REXO5: variants seen among roughly 807,000 people sequenced by gnomAD.
REXO5 encodes RNA exonuclease 5, also known as exonuclease NEF-sp.
In REXO5, 48 loss-of-function variants were observed where a neutral mutation model predicts 88.5. That is an observed-to-expected ratio of 0.54 (90% CI 0.43 to 0.69). The LOEUF is 0.69. Among genes scored for constraint, REXO5 ranks in the 30% least tolerant of loss-of-function variants. The probability of loss-of-function intolerance (pLI) is 0.00; values close to 1 mark genes in which losing one functional copy is unlikely to be tolerated. For missense variants in REXO5, 749 were observed against 912.2 expected, an observed-to-expected ratio of 0.82 and a Z score of 2.30; for synonymous variants, 311 against 336.5, an observed-to-expected ratio of 0.92 and a Z score of 0.83.
At chr16:20,842,621 G>T (rs992846374) in intron 15 of REXO5, among the ~76,000 whole-genome samples, 3 of 151,646 alleles carry the variant, frequency 2.0e-5, no homozygotes, top group African/African-American at 7.3e-5. Context: ...AGGCATGCAC[G>T]CCTGGCTAAT....
intron 2 of REXO5, among the ~76,000 whole-genome samples, chr16:20,809,677 T>C (rs1319778506): frequency 6.6e-6 from 1 of 152,272 alleles, no homozygotes; most frequent in Non-Finnish European, 1.5e-5. Context: ...CCTTGATAAC[T>C]AGATTAAGAT....
At chr16:20,815,609 G>A (rs528577577) in intron 4 of REXO5, among the ~76,000 whole-genome samples, 3 of 152,050 alleles carry the variant, frequency 2.0e-5, no homozygotes, top group African/African-American at 7.2e-5. Context: ...CGGACCACCT[G>A]CTACACGTAT....
intron 7 of REXO5, 66 bp downstream of exon 7, chr16:20,824,593 T>A: frequency 1.1e-6 from 1 of 940,326 alleles, no homozygotes; most frequent in Non-Finnish European, 1.7e-6. Flanking sequence ...AAATGATTTC[T>A]TGAGTCTAAT....
rs766669894 is a variant in REXO5, at chr16:20,824,463, T to C, written c.641T>C (p.Leu214Ser). ...GGTTTTCCTGATTGTGAAAACTTTT[T>C]ACTTACCAAATGTAATGGTTCTATA... ...LQGFPDCENF[L>S]LTKCNGSIAD... The change falls in exon 7 of 20, where the codon TTA becomes TCA. Residue 214 changes from leucine to serine, a missense_variant. By Grantham distance (145) the Leu-to-Ser change is moderately radical (BLOSUM62 -2). Coordinates refer to ENST00000261377, the MANE Select transcript of REXO5 (RefSeq NM_030941.3). 17 of 1,610,514 alleles carry C rather than the reference T, an allele frequency of 1.1e-5. No individual in the cohort carries two copies. The highest frequency in any genetic ancestry group is 1.4e-5 in the Non-Finnish European group (17 of 1,177,362).
chr16:20,846,473 C>T, intron 19 of REXO5, 134 bp downstream of exon 19: 1 of 625,132 alleles, frequency 1.6e-6, no homozygotes, highest in Non-Finnish European at 2.8e-6. Context: ...TTTCACCGTT[C>T]TAAAAGATAG....
intron 15 of REXO5, 55 bp from the exon 16 acceptor site, chr16:20,843,879 T>G: frequency 7.7e-7 from 1 of 1,293,916 alleles, no homozygotes; most frequent in South Asian, 1.2e-5. Flanking sequence ...CCCAACCCCT[T>G]CTTTAGCAGT....
chr16:20,835,785 C>T (rs573798773), intron 13 of REXO5, among the ~76,000 whole-genome samples: 19 of 152,090 alleles, frequency 1.2e-4, no homozygotes, highest in South Asian at 4.1e-4. Flanking sequence ...CAGTAGTTTA[C>T]ACCTGTAATC....
chr16:20,817,353 T>C (rs1023048230), intron 5 of REXO5, among the ~76,000 whole-genome samples: 7 of 152,228 alleles, frequency 4.6e-5, no homozygotes, highest in Non-Finnish European at 5.9e-5. Flanking sequence ...GTAATCATTA[T>C]GAGATTCTAG....
chr16:20,839,706 A>C (rs763251438), intron 13 of REXO5, 49 bp from the exon 14 acceptor site: 2 of 1,278,140 alleles, frequency 1.6e-6, no homozygotes, highest in African/African-American at 1.5e-5. Flanking sequence ...CAGGAGCCAC[A>C]ATAGAGTATG....
chr16:20,841,332 C>A lies in REXO5; in HGVS notation c.1626+864C>A, dbSNP rs535565701. 1.3e-3 allele frequency among the ~76,000 whole-genome samples: 205 copies of A among 151,942 alleles called. 1 individual carries two copies. The highest frequency in any genetic ancestry group is 4.8e-3 in the African/African-American group (197 of 41,444). ...AAGCATATAGAGACATGGAAGAAAT[C>A]ATGAAAAGAAAAATGGAAACAGTGT... On this transcript the variant is annotated intron_variant, in intron 15 of 19. Coordinates refer to ENST00000261377, the MANE Select transcript of REXO5 (RefSeq NM_030941.3).
intron 12 of REXO5, 67 bp downstream of exon 12, chr16:20,832,326 C>G (rs1307998979): frequency 3.1e-6 from 3 of 982,508 alleles, no homozygotes; most frequent in Non-Finnish European, 4.6e-6. Flanking sequence ...TTAACAACAC[C>G]TGAGAATGTT....
At position 20,832,991 on chromosome 16, in the gene REXO5, A is replaced by G. The variant is rs1041407494; in HGVS notation, c.1263-12A>G. ...CTGTTGTTCTTACCTTAACTCTTCT[A>G]CTTCTTTATAGTGTTTTAGAATGCT... On this transcript the variant is annotated splice_polypyrimidine_tract_variant and intron_variant, in intron 12 of 19. Coordinates refer to ENST00000261377, the MANE Select transcript of REXO5 (RefSeq NM_030941.3). The G allele has an allele frequency of 2.5e-6, 4 of 1,607,826 alleles. No individual in the cohort carries two copies. The highest frequency in any genetic ancestry group is 3.4e-6 in the Non-Finnish European group (4 of 1,176,682).
intron 18 of REXO5, among the ~76,000 whole-genome samples, chr16:20,845,529 A>G (rs989710904): frequency 1.3e-5 from 2 of 152,126 alleles, no homozygotes; most frequent in African/African-American, 4.8e-5. Flanking sequence ...AGGGTTTCCC[A>G]AAGTGTGGTA....
intron 14 of REXO5, 182 bp from the exon 15 acceptor site, chr16:20,840,149 T>C: frequency 1.9e-6 from 1 of 537,060 alleles, no homozygotes; most frequent in East Asian, 2.9e-5. Flanking sequence ...ATGATATACC[T>C]ATTAACATTT....
chr16:20,810,521 C>T (rs947373880), intron 2 of REXO5, among the ~76,000 whole-genome samples: 2 of 152,028 alleles, frequency 1.3e-5, no homozygotes, highest in East Asian at 3.9e-4. Context: ...CTACCTCAGC[C>T]TCCTGAGTAG....
intron 13 of REXO5, among the ~76,000 whole-genome samples, chr16:20,834,958 C>G (rs896265858): frequency 6.6e-6 from 1 of 152,044 alleles, no homozygotes; most frequent in Non-Finnish European, 1.5e-5. Flanking sequence ...TGGTTTTTCT[C>G]CTTATTATGG....
intron 16 of REXO5, among the ~76,000 whole-genome samples, 170 bp downstream of exon 16, chr16:20,844,196 A>G (rs778086426): frequency 2.0e-5 from 3 of 152,244 alleles, no homozygotes; most frequent in Non-Finnish European, 4.4e-5. Flanking sequence ...GATTGAAGAC[A>G]TAACGGCTTT....
Position 20,844,719 on chromosome 16 carries a change from C to A in REXO5, c.1810C>A (p.Leu604Met). Residue 604 changes from leucine to methionine, a missense_variant, in exon 17 of 20, where the codon CTG (leucine) becomes ATG (methionine). Coordinates refer to ENST00000261377, the MANE Select transcript of REXO5 (RefSeq NM_030941.3). The stretch of plus-strand genomic sequence containing the variant: ...TTCTGAAAACCAAGGCTCTATATAT[C>A]TGTCTGGAGTGAGTGAAACCTTCAA... ...GDSENQGSIY[L>M]SGVSETFKEQ... The A allele has an allele frequency of 6.2e-7, 1 of 1,614,196 alleles. No individual in the cohort carries two copies. Among genetic ancestry groups the A allele is most frequent in the Non-Finnish European group, 8.5e-7 (1 of 1,180,020 alleles).
intron 5 of REXO5, among the ~76,000 whole-genome samples, chr16:20,817,528 T>G (rs1198734539): frequency 6.6e-6 from 1 of 152,210 alleles, no homozygotes; most frequent in Non-Finnish European, 1.5e-5. Context: ...CTGCAGGCTT[T>G]GTTTTTATTT....
Sources: allele counts gnomAD v4.1 joint callset (sites outside exome capture counted in the v4.1 genomes callset), GRCh38; gene constraint gnomAD v4.1.1; transcripts MANE v1.5; gene names NCBI Gene and HGNC (gene_info 2026-07-23, HGNC 2026-07-21).